Variants in DCPH1 observed in about 807,000 individuals in gnomAD.
DCPH1 encodes the protein damage control phosphatase 1.
chr6:151,452,525 C>T, the DCPH1 span: 2 of 1,610,968 alleles, frequency 1.2e-6, no homozygotes, highest in South Asian at 1.1e-5. Flanking sequence ...CCGAGCTTTG[C>T]GGCCGGGATC....
the DCPH1 span, chr6:151,452,515 C>G: frequency 2.2e-4 from 358 of 1,611,054 alleles, 7 homozygotes; most frequent in Admixed American, 6.0e-3. Context: ...GATTGAACAG[C>G]CGAGCTTTGC....
At chr6:151,468,779 A>G in the DCPH1 span, 9 of 1,614,124 alleles carry the variant, frequency 5.6e-6, no homozygotes, top group South Asian at 1.1e-5. Context: ...GTTTACCACA[A>G]TCATATATTT....
chr6:151,468,491 G>C, the DCPH1 span: 1 of 1,613,656 alleles, frequency 6.2e-7, no homozygotes, highest in Non-Finnish European at 8.5e-7. Flanking sequence ...CTTAGCAATT[G>C]CAAGAAAACA....
chr6:151,460,647 G>A, the DCPH1 span, among the ~76,000 whole-genome samples: 17 of 151,766 alleles, frequency 1.1e-4, no homozygotes, highest in African/African-American at 4.8e-5. Flanking sequence ...AGCTGGGCGC[G>A]GTGGTGCGCA....
At chr6:151,457,988 G>C in the DCPH1 span, among the ~76,000 whole-genome samples, 19 of 152,262 alleles carry the variant, frequency 1.2e-4, no homozygotes, top group Admixed American at 7.8e-4. Context: ...AAAGCCCACA[G>C]TTTCTTTTCT....
At chr6:151,456,800 G>A in the DCPH1 span, among the ~76,000 whole-genome samples, 3 of 152,172 alleles carry the variant, frequency 2.0e-5, no homozygotes, top group Non-Finnish European at 2.9e-5. Context: ...ACAGGCGTGA[G>A]CCACTGTGCC....
At chr6:151,463,157 C>T in the DCPH1 span, among the ~76,000 whole-genome samples, 1 of 152,162 alleles carries the variant, frequency 6.6e-6, no homozygotes, top group African/African-American at 2.4e-5. Context: ...TCAGACAGAA[C>T]AGGTGGTGGG....
the DCPH1 span, chr6:151,458,591 A>G: frequency 8.6e-5 from 135 of 1,564,328 alleles, no homozygotes; most frequent in Non-Finnish European, 1.1e-4. Flanking sequence ...GTAATCATCA[A>G]CTATCAAATG....
chr6:151,459,575 C>T, the DCPH1 span, among the ~76,000 whole-genome samples: 13 of 151,988 alleles, frequency 8.6e-5, no homozygotes, highest in South Asian at 6.3e-4. Flanking sequence ...GTGGATCACT[C>T]GAGGTCAGGA....
At chr6:151,452,483 G>C in the DCPH1 span, 4 of 1,583,862 alleles carry the variant, frequency 2.5e-6, no homozygotes, top group Non-Finnish European at 3.5e-6. Context: ...CTTCGCGGCG[G>C]TACCGCCTCT....
At chr6:151,458,569 A>G in the DCPH1 span, 1 of 1,607,018 alleles carries the variant, frequency 6.2e-7, no homozygotes, top group Non-Finnish European at 8.5e-7. Flanking sequence ...GCAATTATCC[A>G]GAGGTACGTG....
At chr6:151,464,875 T>C in the DCPH1 span, among the ~76,000 whole-genome samples, 43 of 152,350 alleles carry the variant, frequency 2.8e-4, 1 homozygote, top group African/African-American at 1.0e-3. Flanking sequence ...TACTTCATAG[T>C]AATTTGCTTA....
the DCPH1 span, chr6:151,468,636 A>G: frequency 1.9e-6 from 3 of 1,613,994 alleles, no homozygotes; most frequent in Non-Finnish European, 2.5e-6. Flanking sequence ...ATGGAAAAAC[A>G]ATTCCATGGT....
chr6:151,467,710 T>A, the DCPH1 span, among the ~76,000 whole-genome samples: 1 of 152,234 alleles, frequency 6.6e-6, no homozygotes, highest in Admixed American at 6.5e-5. Context: ...TAAAAAAAAA[T>A]AGGCCTACAT....
the DCPH1 span, among the ~76,000 whole-genome samples, chr6:151,454,247 T>C: frequency 6.6e-6 from 1 of 152,206 alleles, no homozygotes; most frequent in Non-Finnish European, 1.5e-5. Context: ...CCTATCACTT[T>C]GCTAAGCGAG....
chr6:151,464,627 G>T, the DCPH1 span: 1 of 1,581,016 alleles, frequency 6.3e-7, no homozygotes, highest in South Asian at 1.2e-5. Flanking sequence ...AGGTAAATGT[G>T]ATCATTAATC....
the DCPH1 span, among the ~76,000 whole-genome samples, chr6:151,456,232 TC>T: frequency 6.6e-6 from 1 of 152,210 alleles, no homozygotes; most frequent in Non-Finnish European, 1.5e-5. Flanking sequence ...CAGTAATCTT[TC>T]TATTACACAA....
the DCPH1 span, among the ~76,000 whole-genome samples, chr6:151,465,981 C>T: frequency 6.6e-6 from 1 of 152,226 alleles, no homozygotes; most frequent in Admixed American, 6.5e-5. Context: ...TGCAGTGGCA[C>T]GATCTCAGCT....
chr6:151,457,855 A>G, the DCPH1 span, among the ~76,000 whole-genome samples: 3 of 152,046 alleles, frequency 2.0e-5, no homozygotes, highest in East Asian at 1.9e-4. Flanking sequence ...CCCCACTCCA[A>G]TTGGCCTGTT....
Sources: gnomAD v4.1 joint callset for allele counts (sites outside exome capture counted in the v4.1 genomes callset) on GRCh38, gnomAD v4.1.1 for gene constraint, MANE v1.5 for transcripts, NCBI Gene and HGNC (gene_info 2026-07-23, HGNC 2026-07-21) for gene names.